Variants in NUCB1 observed in about 807,000 individuals in gnomAD.
NUCB1 encodes the protein nucleobindin 1.
NUCB1 carries 47 observed loss-of-function variants against 61.2 expected under a neutral mutation model. The observed-to-expected ratio is 0.77, with a 90% CI of 0.61 to 0.98. NUCB1 has a LOEUF of 0.98. Ranked by LOEUF, NUCB1 falls within the 50% of genes least tolerant of loss-of-function variation. The pLI is 0.00. For synonymous variants in NUCB1, 234 were observed against 243.1 expected (o/e 0.96, Z 0.35); for missense variants, 583 against 605.3 (o/e 0.96, Z 0.39).
intron 7 of NUCB1, among the ~76,000 whole-genome samples, chr19:48,915,343 C>CAAAACAAAAT (rs2037527603): frequency 6.6e-6 from 1 of 150,962 alleles, no homozygotes; most frequent in African/African-American, 2.4e-5. Context: ...AAAAACAAAA[C>CAAAACAAAAT]AAAAATTAGC....
intron 7 of NUCB1, 63 bp from the exon 8 acceptor site, chr19:48,918,663 C>T: frequency 7.1e-7 from 1 of 1,417,330 alleles, no homozygotes; most frequent in Non-Finnish European, 1.0e-6. Context: ...AATTTCTTCA[C>T]CAGGGACCTT....
chr19:48,918,111 G>A (rs1438933316), intron 7 of NUCB1, among the ~76,000 whole-genome samples: 6 of 152,144 alleles, frequency 3.9e-5, no homozygotes, highest in African/African-American at 1.4e-4. Flanking sequence ...CGTCAAAGGA[G>A]GTGGAGGGGC....
At chr19:48,912,882 C>T (rs924166040) in intron 5 of NUCB1, 129 bp from the exon 6 acceptor site, 27 of 510,744 alleles carry the variant, frequency 5.3e-5, no homozygotes, top group Middle Eastern at 5.5e-4. Flanking sequence ...GGACACGAGA[C>T]GTAAGAAAGA....
intron 6 of NUCB1, 104 bp downstream of exon 6, chr19:48,913,300 A>T: frequency 3.0e-6 from 4 of 1,320,186 alleles, no homozygotes; most frequent in Non-Finnish European, 4.1e-6. Context: ...CTTGAGGCAA[A>T]AAAACTCCCT....
Position 48,905,887 on chromosome 19 carries a change from T to G in NUCB1, c.376+2T>G. The stretch of plus-strand genomic sequence containing the variant: ...AGATGGACGCCGAGCAGGATCCCAG[T>G]GAGCAGGGGCAGGGCGGGAGGGACA... On this transcript the variant is annotated splice_donor_variant, in intron 4 of 12. Coordinates refer to ENST00000405315, the MANE Select transcript of NUCB1 (RefSeq NM_006184.6). LOFTEE classifies it high-confidence loss of function. The G allele has an allele frequency of 7.3e-7, 1 of 1,363,586 alleles. No individual in the cohort carries two copies. Among genetic ancestry groups the G allele is most frequent in the Non-Finnish European group, 9.7e-7 (1 of 1,028,984 alleles). 84.5% of individuals were successfully genotyped at this position (1,363,586 alleles called of 1,614,324 possible). A position where few individuals can be genotyped will look rare whatever the true frequency, so the allele number is the denominator to read the frequency against.
chr19:48,920,870 AG>A (rs2122211811), intron 10 of NUCB1, among the ~76,000 whole-genome samples: 1 of 151,434 alleles, frequency 6.6e-6, no homozygotes, highest in African/African-American at 2.4e-5. Context: ...CTGTAGAGAC[AG>A]GGTCTCGCTC....
intron 4 of NUCB1, chr19:48,910,892 AG>A (rs1378817258): frequency 1.5e-5 from 5 of 339,224 alleles, no homozygotes; most frequent in Non-Finnish European, 2.2e-5. Context: ...GAATTAATAC[AG>A]TTAAAGTGCT....
At chr19:48,919,760 GA>G (rs1438629398) in intron 10 of NUCB1, among the ~76,000 whole-genome samples, 10 of 104,456 alleles carry the variant, frequency 9.6e-5, no homozygotes, top group African/African-American at 3.6e-4. Flanking sequence ...TTAGAGGTGT[GA>G]TTTTTTTTTT....
At chr19:48,903,270 G>A (rs1259120479) in intron 2 of NUCB1, among the ~76,000 whole-genome samples, 3 of 152,158 alleles carry the variant, frequency 2.0e-5, no homozygotes, top group Non-Finnish European at 2.9e-5. Context: ...TGACGGGGGT[G>A]GGACTAGGAG....
chr19:48,913,464 C>T lies in NUCB1; in HGVS notation c.667-10C>T. 6.2e-7 allele frequency: 1 copy of T among 1,613,210 alleles called. No homozygotes were observed. On this transcript the variant is annotated splice_polypyrimidine_tract_variant and intron_variant, in intron 6 of 12. Coordinates refer to ENST00000405315, the MANE Select transcript of NUCB1 (RefSeq NM_006184.6). ...TCTTGCTCATGAGCTCCTGGCTCTCCCCTCCACAGGGCAGCCAAGCCCAGT... is the reference window on the plus strand; with the variant it reads ...TCTTGCTCATGAGCTCCTGGCTCTCTCCTCCACAGGGCAGCCAAGCCCAGT...
rs537557477 is a variant in NUCB1, at chr19:48,919,103, G to A, written c.890G>A (p.Arg297Gln). The change falls in exon 9 of 13, where the codon CGG (arginine) becomes CAG (glutamine). Residue 297 changes from arginine (R) to glutamine (Q), a missense_variant. Coordinates refer to ENST00000405315, the MANE Select transcript of NUCB1 (RefSeq NM_006184.6). ...REMEEERLRM[R>Q]EHVMKNVDTN... ...ATGGAGGAGGAGCGACTGCGCATGCGGGAGCATGTGATGAAGAATGTGAGG... is the reference window on the plus strand; with the variant it reads ...ATGGAGGAGGAGCGACTGCGCATGCAGGAGCATGTGATGAAGAATGTGAGG... 3 of 1,614,134 alleles carry A rather than the reference G, an allele frequency of 1.9e-6. No homozygotes were observed. The highest frequency in any genetic ancestry group is 1.7e-5 in the Admixed American group (1 of 60,002).
Position 48,921,815 on chromosome 19 carries a change from C to G in NUCB1, c.1174-12C>G, listed in dbSNP as rs748328441. ...ACACCCTCTTGTCTGTGTGACCCCC[C>G]ACCTCCCACAGGCTGTGCTGCACAT... On this transcript the variant is annotated splice_polypyrimidine_tract_variant and intron_variant, in intron 11 of 12. Transcript: ENST00000405315. The G allele has an allele frequency of 1.9e-6, 3 of 1,609,654 alleles. No homozygotes were observed. The highest frequency in any genetic ancestry group is 1.3e-5 in the African/African-American group (1 of 75,028).
chr19:48,919,452 CTTATTTAT>C (rs35642334), intron 10 of NUCB1, among the ~76,000 whole-genome samples, 166 bp downstream of exon 10: 151 of 141,938 alleles, frequency 1.1e-3, no homozygotes, highest in Middle Eastern at 7.1e-3. Context: ...CTCTAGGACT[CTTATTTAT>C]TTATTTATTT....
intron 7 of NUCB1, among the ~76,000 whole-genome samples, chr19:48,914,482 G>C (rs1278412086): frequency 6.6e-5 from 10 of 152,028 alleles, no homozygotes; most frequent in African/African-American, 2.2e-4. Flanking sequence ...ACCAAGCTTT[G>C]TCAAGACCCC....
chr19:48,918,677 C>A, intron 7 of NUCB1, 49 bp from the exon 8 acceptor site: 1 of 1,511,808 alleles, frequency 6.6e-7, no homozygotes. Context: ...GGACCTTACA[C>A]ATCCCGTCCT....
At chr19:48,921,997 G>C in intron 12 of NUCB1, 65 bp downstream of exon 12, 1 of 1,290,478 alleles carries the variant, frequency 7.7e-7, no homozygotes, top group Non-Finnish European at 1.1e-6. Flanking sequence ...GGTTGGAGGG[G>C]CTGGGCCTGG....
rs146255002 is a variant in NUCB1 at position 48,904,402 on chromosome 19, C to T, written c.191C>T (p.Thr64Met). 183 of 1,612,702 alleles carry T rather than the reference C, an allele frequency of 1.1e-4. No homozygotes were observed. Among genetic ancestry groups the T allele is most frequent in the Middle Eastern group, 6.6e-4 (4 of 6,080 alleles). ...YLQEVIDVLE[T>M]DGHFREKLQA... ...CAGGAGGTCATCGATGTACTGGAGACGGATGGGCATTTCCGAGAGAAGCTG... is the reference window on the plus strand; with the variant it reads ...CAGGAGGTCATCGATGTACTGGAGATGGATGGGCATTTCCGAGAGAAGCTG... Residue 64 changes from threonine (T) to methionine (M), a missense_variant, in exon 3 of 13, where the codon ACG (threonine) becomes ATG (methionine). Physicochemically the swap from Thr to Met is moderately conservative, Grantham distance 81 (BLOSUM62 -1). Coordinates refer to ENST00000405315, the MANE Select transcript of NUCB1 (RefSeq NM_006184.6).
At chr19:48,911,928 G>A (rs1191884577) in intron 5 of NUCB1, among the ~76,000 whole-genome samples, 2 of 151,954 alleles carry the variant, frequency 1.3e-5, no homozygotes, top group Non-Finnish European at 2.9e-5. Flanking sequence ...GTGTCACAGA[G>A]CTTATGAGAT....
Position 48,904,327 on chromosome 19 carries a change from G to A in NUCB1, c.136-20G>A. The A allele has an allele frequency of 6.5e-7, 1 of 1,527,824 alleles. No homozygotes were observed. Among genetic ancestry groups the A allele is most frequent in the East Asian group, 2.3e-5 (1 of 44,412 alleles). The allele number at this position is 1,527,824 out of a possible 1,614,324, so 94.6% of individuals were successfully genotyped here. ...TGGGGATGGGAGCAGGGGCTGCTAT[G>A]TCTGTCCTTGTTGCCTCAGGACACA... is the stretch of plus-strand genomic sequence containing the variant. On this transcript the variant is annotated intron_variant, in intron 2 of 12. Transcript: ENST00000405315.
Sources: gnomAD v4.1 joint callset for allele counts (sites outside exome capture counted in the v4.1 genomes callset) on GRCh38, gnomAD v4.1.1 for gene constraint, MANE v1.5 for transcripts, NCBI Gene and HGNC (gene_info 2026-07-23, HGNC 2026-07-21) for gene names.